Variants in DHX32 observed in about 807,000 individuals in gnomAD.
DHX32 encodes putative pre-mRNA-splicing factor ATP-dependent RNA helicase DHX32.
Under a neutral mutation model 70.0 loss-of-function variants are expected in DHX32, and 51 were observed. The ratio of observed to expected loss-of-function variants is 0.73; its 90% CI spans 0.58 to 0.92. The LOEUF is 0.92. Ranked by LOEUF, DHX32 falls within the 40% of genes least tolerant of loss-of-function variation. DHX32 has a pLI of 0.00. For synonymous variants in DHX32, 310 were observed against 315.3 expected (o/e 0.98, Z 0.18); for missense variants, 762 against 891.8 (o/e 0.85, Z 1.85).
At chr10:125,836,929 C>A in intron 10 of DHX32, 74 bp from the exon 11 acceptor site, 1 of 1,322,540 alleles carries the variant, frequency 7.6e-7, no homozygotes, top group Non-Finnish European at 1.1e-6. Flanking sequence ...TATGTCTGGG[C>A]ACTTCCCATC....
chr10:125,848,501 G>A (rs1380904662), intron 6 of DHX32, among the ~76,000 whole-genome samples: 1 of 152,162 alleles, frequency 6.6e-6, no homozygotes, highest in African/African-American at 2.4e-5. Flanking sequence ...TGTAAAGTGA[G>A]GTTTTGAACT....
At position 125,871,930 on chromosome 10, in the gene DHX32, T is replaced by C. The variant is rs1023444951; in HGVS notation, c.283-4747A>G. 2.6e-5 allele frequency among the ~76,000 whole-genome samples: 4 copies of C among 151,682 alleles called. No individual in the cohort carries two copies. The East Asian group carries it at 7.8e-4, about 29-fold the overall frequency. ...CAGGCTGGAGTGCAATGGCAGGATC[T>C]TGGCTCACTGCAACCTCCGCCTCCC... On this transcript the variant is annotated intron_variant, in intron 1 of 10. Transcript: ENST00000284690.
intron 1 of DHX32, among the ~76,000 whole-genome samples, chr10:125,871,456 T>G (rs905459724): frequency 6.6e-6 from 1 of 152,232 alleles, no homozygotes; most frequent in African/African-American, 2.4e-5. Flanking sequence ...CTGCACGTAC[T>G]CAACTGTGGC....
intron 1 of DHX32, among the ~76,000 whole-genome samples, chr10:125,892,682 G>A (rs1944378314): frequency 6.6e-6 from 1 of 152,150 alleles, no homozygotes; most frequent in Admixed American, 6.5e-5. Context: ...AACACATTGT[G>A]AATGTGGAAT....
Position 125,852,544 on chromosome 10 carries a change from TGAA to T in DHX32, c.1188_1190del (p.Ser397del), listed in dbSNP as rs766010296. 3.2e-5 allele frequency: 52 copies of T among 1,613,320 alleles called. No homozygotes were observed. Among genetic ancestry groups the T allele is most frequent in the Non-Finnish European group, 4.2e-5 (50 of 1,179,718 alleles). ...TAGTATTTGTGTCCACAGCACTACCTGAAGAAGATGAGCCAAGAATCTGCTTGC... is the reference window on the plus strand; with the variant it reads ...TAGTATTTGTGTCCACAGCACTACCTGAAGATGAGCCAAGAATCTGCTTGC... On this transcript the variant is annotated inframe_deletion and splice_region_variant, in exon 5 of 11. Coordinates refer to ENST00000284690, the MANE Select transcript of DHX32 (RefSeq NM_018180.3).
At chr10:125,893,064 C>T (rs532968168) in intron 1 of DHX32, among the ~76,000 whole-genome samples, 1 of 152,360 alleles carries the variant, frequency 6.6e-6, no homozygotes, top group Admixed American at 6.5e-5. Flanking sequence ...GGTACAAGAT[C>T]CATCCATATG....
Position 125,838,257 on chromosome 10 carries a change from C to G in DHX32, c.2012G>C (p.Ser671Thr). The change falls in exon 10 of 11, where the codon AGC becomes ACC. Residue 671 changes from serine (S) to threonine (T), a missense_variant. Physicochemically the swap from Ser to Thr is moderately conservative, Grantham distance 58. Transcript: ENST00000284690. ...MPEWVLFHKF[S>T]ISENNYIRIT... The stretch of plus-strand genomic sequence containing the variant: ...CCTGATGTAGTTGTTCTCAGAAATG[C>G]TGAATTTATGGAAGAGGACCCACTC... 1.9e-6 allele frequency: 3 copies of G among 1,612,994 alleles called. No individual in the cohort carries two copies. In the South Asian group the frequency reaches 3.3e-5, roughly 18 times the overall value.
In DHX32 at chr10:125,850,134, T is replaced by TA. The variant is rs371549545; in HGVS notation, c.1351+2158dup. On this transcript the variant is annotated intron_variant, in intron 6 of 10. Coordinates refer to ENST00000284690, the MANE Select transcript of DHX32 (RefSeq NM_018180.3). ...GCGTATGCCACCACACCTGGCTCAT[T>TA]AAAAAAAAAAAAAAAAAAAATTTGT... Among the ~76,000 whole-genome samples, 280 of 133,550 alleles carry TA rather than the reference T, an allele frequency of 2.1e-3. 1 individual carries two copies. Among genetic ancestry groups the TA allele is most frequent in the East Asian group, 8.2e-3 (38 of 4,634 alleles). 87.6% of individuals were successfully genotyped at this position (133,550 alleles called of 152,430 possible).
chr10:125,886,487 CTT>C (rs1227199215), intron 1 of DHX32, among the ~76,000 whole-genome samples: 6 of 152,198 alleles, frequency 3.9e-5, no homozygotes, highest in African/African-American at 1.4e-4. Context: ...TTATTTCACT[CTT>C]AGCTAAGTTC....
chr10:125,858,101 A>G (rs768555255), intron 3 of DHX32, among the ~76,000 whole-genome samples: 12 of 151,814 alleles, frequency 7.9e-5, no homozygotes, highest in Admixed American at 4.6e-4. Flanking sequence ...GGGTCCTGCT[A>G]TGTTGTCAAG....
chr10:125,885,247 T>C (rs1944335677), upstream of DHX32, among the ~76,000 whole-genome samples: 1 of 152,152 alleles, frequency 6.6e-6, no homozygotes, highest in African/African-American at 2.4e-5. Flanking sequence ...ATCTGGTCCT[T>C]CGACTGATGT....
In DHX32 at chr10:125,839,027, C is replaced by T. The variant is rs772175482; in HGVS notation, c.1855G>A (p.Ala619Thr). The T allele has an allele frequency of 1.4e-5, 22 of 1,613,928 alleles. No individual in the cohort carries two copies. Among genetic ancestry groups the T allele is most frequent in the Non-Finnish European group, 1.8e-5 (21 of 1,179,948 alleles). ...TGCATAAAGTAACCGGACAGAAGAG[C>T]TTTCTTTATGTTTAGAGTGTTTTCC... ...SKENTLNIKKALLSGYFMQIA... is the reference protein window; with the variant it reads ...SKENTLNIKKTLLSGYFMQIA... The change falls in exon 9 of 11, where the codon GCT (alanine) becomes ACT (threonine). Residue 619 changes from alanine (A) to threonine (T), a missense_variant. Transcript: ENST00000284690.
intron 4 of DHX32, chr10:125,853,213 C>T (rs755488722): frequency 1.9e-6 from 3 of 1,611,936 alleles, no homozygotes; most frequent in Non-Finnish European, 2.5e-6. Context: ...TCCAGGGAAC[C>T]TTCATGACTG....
intron 1 of DHX32, among the ~76,000 whole-genome samples, chr10:125,891,037 A>G (rs1257014497): frequency 6.6e-6 from 1 of 152,178 alleles, no homozygotes; most frequent in Non-Finnish European, 1.5e-5. Context: ...ACTCCCTACA[A>G]ATAAGTTTCT....
At chr10:125,892,147 CA>C (rs1229779626) in intron 1 of DHX32, among the ~76,000 whole-genome samples, 97 of 130,384 alleles carry the variant, frequency 7.4e-4, no homozygotes, top group Non-Finnish European at 1.2e-3. Flanking sequence ...AATAACAGAA[CA>C]ATCCAGTCTA....
chr10:125,895,734 A>T (rs1469176775), intron 1 of DHX32, among the ~76,000 whole-genome samples: 4 of 152,288 alleles, frequency 2.6e-5, no homozygotes, highest in Non-Finnish European at 5.9e-5. Context: ...GAAACAAATC[A>T]ACACACAAAA....
chr10:125,878,544 G>A (rs898068458), intron 1 of DHX32, among the ~76,000 whole-genome samples: 3 of 152,108 alleles, frequency 2.0e-5, no homozygotes, highest in Non-Finnish European at 2.9e-5. Context: ...GGGTTTTCCC[G>A]TGTATACATG....
chr10:125,877,450 G>A (rs529147198), intron 1 of DHX32, among the ~76,000 whole-genome samples: 1 of 152,248 alleles, frequency 6.6e-6, no homozygotes, highest in East Asian at 1.9e-4. Flanking sequence ...ACTTTGGGAG[G>A]TGAAGGTGGG....
At chr10:125,857,373 G>A (rs1027941205) in intron 3 of DHX32, among the ~76,000 whole-genome samples, 1 of 152,204 alleles carries the variant, frequency 6.6e-6, no homozygotes, top group Non-Finnish European at 1.5e-5. Flanking sequence ...TCAGTGGCTG[G>A]CTTGCTGCCC....
Sources: gnomAD v4.1 joint callset for allele counts (sites outside exome capture counted in the v4.1 genomes callset) on GRCh38, gnomAD v4.1.1 for gene constraint, MANE v1.5 for transcripts, NCBI Gene and HGNC (gene_info 2026-07-23, HGNC 2026-07-21) for gene names.